The following GAGE13 variants were observed in gnomAD, a reference collection of about 807,000 sequenced individuals.
GAGE13 encodes the protein G antigen 13.
intron 4 of GAGE13, among the ~76,000 whole-genome samples, chrX:49,337,649 C>T (rs1336941637): frequency 5.2e-5 from 3 of 57,901 alleles, no homozygotes; most frequent in Admixed American, 3.3e-4. Flanking sequence ...TCTTTTTTTT[C>T]TTTTATTTAT....
intron 1 of GAGE13, among the ~76,000 whole-genome samples, chrX:49,331,965 T>G (rs2066465101): frequency 1.2e-5 from 1 of 80,513 alleles, no homozygotes; most frequent in Non-Finnish European, 3.2e-5. Context: ...AGTCCCGAGG[T>G]GCCGGGAACC....
At chrX:49,335,158 TACA>T (rs2066480301) in intron 3 of GAGE13, among the ~76,000 whole-genome samples, 1 of 2,135 alleles carries the variant, frequency 4.7e-4, no homozygotes, top group African/African-American at 3.0e-3. Flanking sequence ...CACACACACA[TACA>T]TACGGATATA....
At chrX:49,337,651 TTTA>T (rs1408689373) in intron 4 of GAGE13, among the ~76,000 whole-genome samples, 2 of 53,571 alleles carry the variant, frequency 3.7e-5, no homozygotes, top group African/African-American at 1.4e-4. Flanking sequence ...TTTTTTTTCT[TTTA>T]TTTATTTATT....
intron 3 of GAGE13, among the ~76,000 whole-genome samples, chrX:49,335,264 A>G (rs2147079309): frequency 9.6e-6 from 1 of 104,192 alleles, no homozygotes; most frequent in South Asian, 4.6e-4. Flanking sequence ...TATCGTCAGA[A>G]CAAAGAGAAA....
rs1400745980 is a variant in GAGE13, at chrX:49,335,248, T to G, written c.206-999T>G. On this transcript the variant is annotated intron_variant, in intron 3 of 4. Transcript: ENST00000612958. ...GTCCTTTACCCTATGTACTTGAGGG[T>G]GTGTATATCGTCAGAACAAAGAGAA... Among the ~76,000 whole-genome samples, 4 of 104,112 alleles carry G rather than the reference T, an allele frequency of 3.8e-5. No homozygotes were observed. The Admixed American group carries it at 4.1e-4, about 11-fold the overall frequency. The allele number at this position is 104,112 out of a possible 115,157, so 90.4% of individuals were successfully genotyped here.
intron 3 of GAGE13, among the ~76,000 whole-genome samples, chrX:49,335,341 C>G (rs2066481476): frequency 1.9e-5 from 2 of 106,568 alleles, no homozygotes; most frequent in African/African-American, 6.5e-5. Flanking sequence ...AAAATGGAGT[C>G]ATTTAATACA....
At chrX:49,337,691 C>G (rs1557127595) in intron 4 of GAGE13, among the ~76,000 whole-genome samples, 1 of 56,441 alleles carries the variant, frequency 1.8e-5, no homozygotes, top group African/African-American at 5.8e-5. Flanking sequence ...TATTGTTATA[C>G]TTTAAGTTTT....
chrX:49,332,109 C>T (rs1338256324), intron 1 of GAGE13, among the ~76,000 whole-genome samples: 7 of 81,017 alleles, frequency 8.6e-5, no homozygotes, highest in Admixed American at 5.0e-4. Flanking sequence ...GCGGAGCGCC[C>T]GAGTGAGAAG....
intron 2 of GAGE13, among the ~76,000 whole-genome samples, 164 bp from the exon 3 acceptor site, chrX:49,333,123 C>A (rs1447269913): frequency 9.9e-6 from 1 of 100,817 alleles, no homozygotes; most frequent in Admixed American, 1.1e-4. Flanking sequence ...ACAGTAACCT[C>A]CCTGTGGGTG....
intron 1 of GAGE13, among the ~76,000 whole-genome samples, chrX:49,332,002 A>C (rs1367981813): frequency 2.5e-5 from 2 of 80,531 alleles, no homozygotes; most frequent in African/African-American, 6.8e-5. Flanking sequence ...AGATTCCCTG[A>C]ATGGGGTCCC....
intron 1 of GAGE13, among the ~76,000 whole-genome samples, chrX:49,332,476 C>T (rs2066468040): frequency 1.8e-5 from 2 of 112,318 alleles, no homozygotes; most frequent in Admixed American, 1.9e-4. Context: ...AGCGAGACCG[C>T]GTGTCCAAAA....
At chrX:49,337,705 G>T (rs1235219580) in intron 4 of GAGE13, among the ~76,000 whole-genome samples, 1 of 60,140 alleles carries the variant, frequency 1.7e-5, no homozygotes, top group Non-Finnish European at 3.8e-5. Context: ...AAGTTTTAGG[G>T]TACATGTGCA....
At chrX:49,337,684 T>C (rs1379764194) in intron 4 of GAGE13, among the ~76,000 whole-genome samples, 4,471 of 62,109 alleles carry the variant, frequency 0.072, 887 homozygotes, top group African/African-American at 0.2. Context: ...ATTTATTTAT[T>C]GTTATACTTT....
At chrX:49,334,777 A>T (rs1360472668) in intron 3 of GAGE13, among the ~76,000 whole-genome samples, 1 of 38,799 alleles carries the variant, frequency 2.6e-5, no homozygotes, top group Non-Finnish European at 6.4e-5. Context: ...AAATAAGTAA[A>T]GTTTTCATGG....
intron 3 of GAGE13, among the ~76,000 whole-genome samples, chrX:49,335,112 G>C (rs1190148543): frequency 1.3e-4 from 9 of 71,770 alleles, no homozygotes; most frequent in Non-Finnish European, 2.6e-4. Context: ...TCTTCCCTCC[G>C]TCTCTTACCG....
At chrX:49,333,220 T>G (rs2066473131) in intron 2 of GAGE13, 67 bp from the exon 3 acceptor site, 1 of 1,136,931 alleles carries the variant, frequency 8.8e-7, no homozygotes, top group Non-Finnish European at 1.2e-6. Flanking sequence ...ATTCTGTGTA[T>G]ATATGTAAAA....
intron 3 of GAGE13, among the ~76,000 whole-genome samples, chrX:49,335,591 CT>C (rs2066483056): frequency 1.1e-5 from 1 of 90,806 alleles, no homozygotes; most frequent in African/African-American, 3.4e-5. Context: ...CTCTGCCCAC[CT>C]TGGCATCCCA....
chrX:49,335,180 GTTA>G (rs2066480511), intron 3 of GAGE13, among the ~76,000 whole-genome samples: 9 of 105,177 alleles, frequency 8.6e-5, no homozygotes, highest in African/African-American at 3.1e-4. Context: ...TATGTTTACT[GTTA>G]TTAATGCTGA....
intron 3 of GAGE13, among the ~76,000 whole-genome samples, chrX:49,335,187 A>T (rs1450123561): frequency 9.3e-6 from 1 of 107,928 alleles, no homozygotes; most frequent in Non-Finnish European, 1.9e-5. Context: ...ACTGTTATTA[A>T]TGCTGAATTG....
Sources: gnomAD v4.1 joint callset for allele counts (sites outside exome capture counted in the v4.1 genomes callset) on GRCh38, gnomAD v4.1.1 for gene constraint, MANE v1.5 for transcripts, NCBI Gene and HGNC (gene_info 2026-07-23, HGNC 2026-07-21) for gene names.